FAM199X: variants seen among roughly 807,000 people sequenced by gnomAD.
FAM199X encodes the protein protein FAM199X.
A neutral mutation model predicts 22.9 loss-of-function variants in FAM199X; 4 were observed. The ratio of observed to expected loss-of-function variants is 0.17; its 90% CI spans 0.09 to 0.40. The LOEUF (loss-of-function observed/expected upper bound fraction) is 0.40. Ranked by LOEUF, FAM199X falls within the 10% of genes least tolerant of loss-of-function variation. The pLI, the probability that FAM199X is intolerant of heterozygous loss-of-function variation, is 1.00. For missense variants in FAM199X, 183 were observed against 306.8 expected, an observed-to-expected ratio of 0.60 and a Z score of 3.01; for synonymous variants, 101 against 112.3, an observed-to-expected ratio of 0.90 and a Z score of 0.64.
chrX:104,166,045 C>T (rs782124046), upstream of FAM199X, among the ~76,000 whole-genome samples: 19 of 112,226 alleles, frequency 1.7e-4, no homozygotes, highest in South Asian at 3.7e-4. Flanking sequence ...GGACTATTTT[C>T]CCTGCTTGGA....
At chrX:104,167,670 C>T (rs1921248496) in intron 1 of FAM199X, among the ~76,000 whole-genome samples, 1 of 111,045 alleles carries the variant, frequency 9.0e-6, no homozygotes, top group Admixed American at 9.6e-5. Flanking sequence ...TGGTTTCCTT[C>T]CCCTTTGAAG....
rs957062232 is a variant in FAM199X at position 104,192,413 on chromosome X, C to T, written c.*2635C>T. The T allele has an allele frequency of 1.8e-5, 2 of 111,552 alleles. No individual in the cohort carries two copies. The highest frequency in any genetic ancestry group is 6.5e-5 in the African/African-American group (2 of 30,865). The allele number at this position is 111,552 out of a possible 1,213,427, so 9.2% of individuals were successfully genotyped here. On this transcript the variant is annotated 3_prime_UTR_variant, in exon 6 of 6. Coordinates refer to ENST00000493442, the MANE Select transcript of FAM199X (RefSeq NM_207318.4). Reference sequence around the variant, plus strand: ...TTGGTTCTCATCTGTAGAGAACTGACATTGGAGCAAATTTTAAGTCTCCCC... The same window carrying T: ...TTGGTTCTCATCTGTAGAGAACTGATATTGGAGCAAATTTTAAGTCTCCCC...
At position 104,186,434 on chromosome X, in the gene FAM199X, C is replaced by G. The variant is rs782725442; in HGVS notation, c.568-26C>G. 3.3e-6 allele frequency: 4 copies of G among 1,195,668 alleles called. No homozygotes were observed. In the African/African-American group the frequency reaches 7.0e-5, roughly 21 times the overall value. On this transcript the variant is annotated intron_variant, in intron 3 of 5. Transcript: ENST00000493442. Reference sequence around the variant, plus strand: ...AAGGATCAGAAGTTTTAGCAATGATCTTATTGTAATTTTTTCATCACATAG... The same window carrying G: ...AAGGATCAGAAGTTTTAGCAATGATGTTATTGTAATTTTTTCATCACATAG...
chrX:104,186,383 G>A (rs984029779), intron 3 of FAM199X, 77 bp from the exon 4 acceptor site: 29 of 1,120,739 alleles, frequency 2.6e-5, no homozygotes, highest in Non-Finnish European at 3.4e-5. Context: ...CTTCTGCTAT[G>A]TAAACACATT....
chrX:104,180,933 G>A (rs1556377698), intron 2 of FAM199X, among the ~76,000 whole-genome samples: 1 of 112,281 alleles, frequency 8.9e-6, no homozygotes, highest in Non-Finnish European at 1.9e-5. Context: ...TTAATAAGAT[G>A]AGATTTTAAC....
chrX:104,186,773 T>G (rs1432007285), intron 4 of FAM199X, 152 bp downstream of exon 4: 2 of 495,044 alleles, frequency 4.0e-6, no homozygotes, highest in African/African-American at 4.8e-5. Context: ...GCACATTGAT[T>G]TAAGAGGTTT....
Position 104,190,894 on chromosome X carries a change from CTG to C in FAM199X, c.*1119_*1120del, listed in dbSNP as rs1921920928. 8.9e-6 allele frequency: 1 copy of C among 111,939 alleles called. No individual in the cohort carries two copies. The highest frequency in any genetic ancestry group is 1.9e-5 in the Non-Finnish European group (1 of 53,178). The allele number at this position is 111,939 out of a possible 1,213,427, so 9.2% of individuals were successfully genotyped here. A position where few individuals can be genotyped will look rare whatever the true frequency, so the allele number is the denominator to read the frequency against. ...GTTATTAATAGAGCTCTAATTTTAA[CTG>C]TGAAATCATGGAGTTTCTTTAAATG... On this transcript the variant is annotated 3_prime_UTR_variant, in exon 6 of 6. Transcript: ENST00000493442.
At chrX:104,158,046 A>G in the FAM199X span, among the ~76,000 whole-genome samples, 1 of 112,533 alleles carries the variant, frequency 8.9e-6, no homozygotes, top group Non-Finnish European at 1.9e-5. Context: ...TTGCATATAA[A>G]TCAATAACTT....
intron 1 of FAM199X, among the ~76,000 whole-genome samples, chrX:104,167,888 C>T (rs1282627804): frequency 9.3e-6 from 1 of 107,623 alleles, no homozygotes; most frequent in African/African-American, 3.5e-5. Context: ...GATACATATA[C>T]AAAGGGCTGG....
intron 2 of FAM199X, among the ~76,000 whole-genome samples, chrX:104,180,592 T>C (rs782299953): frequency 9.0e-6 from 1 of 111,222 alleles, no homozygotes; most frequent in Admixed American, 9.6e-5. Context: ...CAGACCTGCC[T>C]TAGTAATGTG....
chrX:104,176,077 C>T (rs1462170403), intron 2 of FAM199X, among the ~76,000 whole-genome samples: 3 of 111,156 alleles, frequency 2.7e-5, no homozygotes, highest in African/African-American at 6.5e-5. Flanking sequence ...TTAATACTTG[C>T]GTAATATTAC....
At chrX:104,173,595 C>T (rs782523229) in intron 1 of FAM199X, among the ~76,000 whole-genome samples, 24 of 111,751 alleles carry the variant, frequency 2.1e-4, no homozygotes, top group Non-Finnish European at 2.8e-4. Context: ...GGATGAGACA[C>T]GACCTAATAA....
upstream of FAM199X, among the ~76,000 whole-genome samples, chrX:104,163,156 A>C (rs1921080922): frequency 9.1e-6 from 1 of 110,264 alleles, no homozygotes; most frequent in African/African-American, 3.3e-5. Flanking sequence ...CTCATCAATC[A>C]CATGAAAAAA....
intron 2 of FAM199X, 24 bp from the exon 3 acceptor site, chrX:104,186,042 C>T (rs781840992): frequency 1.0e-5 from 12 of 1,191,815 alleles, no homozygotes; most frequent in Non-Finnish European, 1.4e-5. Context: ...TTTCCTTCCC[C>T]ACACCCTCCT....
chrX:104,175,097 A>G lies in FAM199X; in HGVS notation c.198-526A>G, dbSNP rs1047018945. On this transcript the variant is annotated intron_variant, in intron 1 of 5. Coordinates refer to ENST00000493442, the MANE Select transcript of FAM199X (RefSeq NM_207318.4). ...TATGCATTCTCATGTGATCATCACGATACCTCCATTGGGACACAGACTTGG... is the reference window on the plus strand; with the variant it reads ...TATGCATTCTCATGTGATCATCACGGTACCTCCATTGGGACACAGACTTGG... Among the ~76,000 whole-genome samples the G allele has an allele frequency of 4.5e-5, 5 of 112,139 alleles. No individual in the cohort carries two copies. In the East Asian group the frequency reaches 8.4e-4, roughly 19 times the overall value.
intron 1 of FAM199X, among the ~76,000 whole-genome samples, chrX:104,173,427 T>G (rs1921409274): frequency 8.9e-6 from 1 of 111,737 alleles, no homozygotes; most frequent in African/African-American, 3.3e-5. Flanking sequence ...TTTCAGTGTT[T>G]TAAAATGGTC....
chrX:104,170,409 C>T (rs1489653022), intron 1 of FAM199X, among the ~76,000 whole-genome samples: 1 of 110,783 alleles, frequency 9.0e-6, no homozygotes, highest in Non-Finnish European at 1.9e-5. Flanking sequence ...GAGAAATATC[C>T]AAGCTAGAAA....
intron 1 of FAM199X, among the ~76,000 whole-genome samples, chrX:104,173,069 A>G (rs1275958193): frequency 9.0e-6 from 1 of 111,397 alleles, no homozygotes; most frequent in Admixed American, 9.6e-5. Context: ...CCTGGGCTCC[A>G]GGGATCCTCC....
intron 1 of FAM199X, among the ~76,000 whole-genome samples, chrX:104,172,696 C>CTT (rs1351553481): frequency 2.0e-5 from 2 of 98,480 alleles, no homozygotes; most frequent in African/African-American, 3.7e-5. Flanking sequence ...AATATGGCAT[C>CTT]TTTTTTTTTT....
Sources: allele counts gnomAD v4.1 joint callset (sites outside exome capture counted in the v4.1 genomes callset), GRCh38; gene constraint gnomAD v4.1.1; transcripts MANE v1.5; gene names NCBI Gene and HGNC (gene_info 2026-07-23, HGNC 2026-07-21).